Variants in DOP1A observed in about 807,000 individuals in gnomAD.
DOP1A encodes the protein DOP1 leucine zipper like protein A.
A neutral mutation model predicts 267.6 loss-of-function variants in DOP1A; 90 were observed. The ratio of observed to expected loss-of-function variants is 0.34; its 90% CI spans 0.28 to 0.40. The LOEUF is 0.40. Ranked by LOEUF, DOP1A falls within the 10% of genes least tolerant of loss-of-function variation. The pLI is 1.00. For missense variants in DOP1A, 2,437 were observed against 2,900.4 expected (o/e 0.84, Z 3.67); for synonymous variants, 932 against 999.1 (o/e 0.93, Z 1.27).
intron 12 of DOP1A, 109 bp downstream of exon 12, chr6:83,123,091 A>G: frequency 1.7e-6 from 2 of 1,195,642 alleles, no homozygotes; most frequent in South Asian, 1.6e-5. Flanking sequence ...TCTATTACTA[A>G]TAATAACTGT....
At position 83,167,349 on chromosome 6, in the gene DOP1A, C is replaced by T. The variant is rs1786002114; in HGVS notation, c.7093-513C>T. On this transcript the variant is annotated intron_variant, in intron 38 of 38. Transcript: ENST00000349129. Reference sequence around the variant, plus strand: ...CCCTTCCTTTCTCTGTGATGCAGTACTGACAGTAATTATTCACTTTGGACA... The same window carrying T: ...CCCTTCCTTTCTCTGTGATGCAGTATTGACAGTAATTATTCACTTTGGACA... 4.1e-6 allele frequency: 4 copies of T among 985,320 alleles called. No individual in the cohort carries two copies. The South Asian group carries it at 1.9e-4, about 46-fold the overall frequency. 61.0% of individuals were successfully genotyped at this position (985,320 alleles called of 1,614,324 possible). A position where few individuals can be genotyped will look rare whatever the true frequency, so the allele number is the denominator to read the frequency against.
chr6:83,162,219 ACT>A (rs1274986459), intron 37 of DOP1A, among the ~76,000 whole-genome samples: 1 of 151,890 alleles, frequency 6.6e-6, no homozygotes, highest in Non-Finnish European at 1.5e-5. Context: ...GCCCATTTAT[ACT>A]GTTTGAATTT....
In DOP1A at chr6:83,109,073, T is replaced by C. The variant is rs1582966270; in HGVS notation, c.484T>C (p.Tyr162His). The change falls in exon 5 of 39, where the codon TAT becomes CAT. Residue 162 changes from tyrosine to histidine, a missense_variant. This residue lies in a region of DOP1A where 251 missense variants were observed against 359.1 expected (regional missense o/e 0.70). Transcript: ENST00000349129. ...LPGLEEGSEY[Y>H]ERTNMLLEKV... ...TGGCTTAGAAGAAGGATCAGAGTAC[T>C]ATGAGAGGTAAGATCATATTTGGTG... 1 of 1,610,874 alleles carries C rather than the reference T, an allele frequency of 6.2e-7. No individual in the cohort carries two copies. The highest frequency in any genetic ancestry group is 1.3e-5 in the African/African-American group (1 of 74,818).
At chr6:83,166,961 C>T in intron 38 of DOP1A, 1 of 986,176 alleles carries the variant, frequency 1.0e-6, no homozygotes, top group Non-Finnish European at 1.2e-6. Context: ...GGAATTGTAT[C>T]TGTGATTCTG....
At chr6:83,163,672 C>A (rs1784763569) in intron 38 of DOP1A, among the ~76,000 whole-genome samples, 1 of 152,014 alleles carries the variant, frequency 6.6e-6, no homozygotes, top group African/African-American at 2.4e-5. Flanking sequence ...CAGTTCTTGC[C>A]CTTAACATGA....
intron 1 of DOP1A, among the ~76,000 whole-genome samples, chr6:83,078,855 C>G (rs1044983467): frequency 2.0e-5 from 3 of 152,124 alleles, no homozygotes; most frequent in Admixed American, 6.5e-5. Context: ...AGTTAATTCT[C>G]TCTTACAGAA....
intron 24 of DOP1A, among the ~76,000 whole-genome samples, chr6:83,142,983 A>G (rs961475399): frequency 3.9e-5 from 6 of 152,208 alleles, no homozygotes; most frequent in Admixed American, 3.3e-4. Context: ...CTGATTTTAC[A>G]TTACATTTTT....
chr6:83,110,412 C>G, intron 6 of DOP1A, 98 bp downstream of exon 6: 3 of 1,183,602 alleles, frequency 2.5e-6, no homozygotes, highest in East Asian at 2.7e-5. Flanking sequence ...AACAAAGTTC[C>G]TATTTTCATC....
chr6:83,121,858 G>A (rs1776426331), intron 10 of DOP1A, 72 bp from the exon 11 acceptor site: 4 of 1,442,742 alleles, frequency 2.8e-6, no homozygotes, highest in South Asian at 1.4e-5. Context: ...TGTTTCATTG[G>A]GCCAATTTTC....
rs565169551 is a variant in DOP1A, at chr6:83,153,891, T to C, written c.6240-3T>C. ...AGGTTAAGGTGGTTTTTCTTCCTTG[T>C]AGTGCACATAATGCCCCTAGTTATC... On this transcript the variant is annotated splice_polypyrimidine_tract_variant and splice_region_variant and intron_variant, in intron 31 of 38. Coordinates refer to ENST00000349129, the MANE Select transcript of DOP1A (RefSeq NM_015018.4). 3.8e-5 allele frequency: 61 copies of C among 1,608,628 alleles called. No homozygotes were observed. The South Asian group carries it at 6.1e-4, about 16-fold the overall frequency.
intron 24 of DOP1A, among the ~76,000 whole-genome samples, chr6:83,143,593 C>A (rs1473033689): frequency 6.6e-6 from 1 of 152,032 alleles, no homozygotes; most frequent in East Asian, 1.9e-4. Flanking sequence ...ATAGGAAAGA[C>A]CATTCCCAAA....
intron 1 of DOP1A, among the ~76,000 whole-genome samples, chr6:83,094,745 G>T (rs1771133657): frequency 6.6e-6 from 1 of 151,942 alleles, no homozygotes; most frequent in Non-Finnish European, 1.5e-5. Flanking sequence ...TTTATTATTG[G>T]CTTGGAAGAG....
Position 83,133,426 on chromosome 6 carries a change from A to G in DOP1A, c.2770-761A>G, listed in dbSNP as rs141201948. 1.2e-3 allele frequency among the ~76,000 whole-genome samples: 184 copies of G among 152,218 alleles called. 1 individual carries two copies. Among genetic ancestry groups the G allele is most frequent in the African/African-American group, 3.3e-3 (138 of 41,564 alleles). ...AGAAAAGCCTGTATTAAGCCCATAGAAAAAACAAGCATGCCTCCCACCTAT... is the reference window on the plus strand; with the variant it reads ...AGAAAAGCCTGTATTAAGCCCATAGGAAAAACAAGCATGCCTCCCACCTAT... On this transcript the variant is annotated intron_variant, in intron 18 of 38. Transcript: ENST00000349129.
At chr6:83,158,146 C>T (rs1783257927) in intron 35 of DOP1A, among the ~76,000 whole-genome samples, 1 of 152,002 alleles carries the variant, frequency 6.6e-6, no homozygotes, top group African/African-American at 2.4e-5. Context: ...CTACAGGCAC[C>T]TGCCACCACA....
intron 9 of DOP1A, among the ~76,000 whole-genome samples, chr6:83,120,144 T>G (rs887310541): frequency 6.6e-6 from 1 of 151,996 alleles, no homozygotes; most frequent in Non-Finnish European, 1.5e-5. Context: ...AGTTGGAGCT[T>G]TTCCAAAAAT....
intron 30 of DOP1A, among the ~76,000 whole-genome samples, chr6:83,152,966 C>G (rs1782019165): frequency 6.6e-6 from 1 of 152,128 alleles, no homozygotes; most frequent in South Asian, 2.1e-4. Flanking sequence ...ATGTATTTTA[C>G]AATTTACCAA....
intron 1 of DOP1A, among the ~76,000 whole-genome samples, chr6:83,089,059 A>G (rs931396776): frequency 6.6e-6 from 1 of 152,214 alleles, no homozygotes; most frequent in Non-Finnish European, 1.5e-5. Flanking sequence ...GGGATGTGCT[A>G]GAAACACTTA....
intron 1 of DOP1A, among the ~76,000 whole-genome samples, chr6:83,095,081 A>T (rs1275561615): frequency 6.6e-6 from 1 of 152,018 alleles, no homozygotes; most frequent in African/African-American, 2.4e-5. Context: ...TACAGGCATG[A>T]GCCACCACAC....
At position 83,168,421 on chromosome 6, in the gene DOP1A, G is replaced by A; in HGVS notation, c.*254G>A. 4 of 1,169,308 alleles carry A rather than the reference G, an allele frequency of 3.4e-6. No individual in the cohort carries two copies. The highest frequency in any genetic ancestry group is 4.2e-6 in the Non-Finnish European group (4 of 947,280). 72.4% of individuals were successfully genotyped at this position (1,169,308 alleles called of 1,614,324 possible). ...ACATGTAAAGTCCATTGTTTTTATT[G>A]TCCTGAGTTGTCTTAAACCTGCAAA... On this transcript the variant is annotated 3_prime_UTR_variant, in exon 39 of 39. Transcript: ENST00000349129.
Sources: allele counts gnomAD v4.1 joint callset (sites outside exome capture counted in the v4.1 genomes callset), GRCh38; gene constraint gnomAD v4.1.1; regional missense constraint gnomAD v4.1.1; transcripts MANE v1.5; gene names NCBI Gene and HGNC (gene_info 2026-07-23, HGNC 2026-07-21).